LRP5: variants seen among roughly 807,000 people sequenced by gnomAD.
LRP5 encodes low-density lipoprotein receptor-related protein 5.
Under a neutral mutation model 154.1 loss-of-function variants are expected in LRP5, and 62 were observed. That is an observed-to-expected ratio of 0.40 (90% CI 0.33 to 0.50). LRP5 has a LOEUF of 0.50. Among genes scored for constraint, LRP5 ranks in the 20% least tolerant of loss-of-function variants. The pLI, the probability that LRP5 is intolerant of heterozygous loss-of-function variation, is 0.55. For missense variants in LRP5, 1,915 were observed against 2,336.7 expected, an observed-to-expected ratio of 0.82 and a Z score of 3.72; for synonymous variants, 966 against 1,011.5, an observed-to-expected ratio of 0.96 and a Z score of 0.85.
intron 2 of LRP5, among the ~76,000 whole-genome samples, chr11:68,348,612 G>T (rs2098615692): frequency 6.7e-6 from 1 of 148,934 alleles, no homozygotes; most frequent in Non-Finnish European, 1.5e-5. Flanking sequence ...CCGTGGGGGG[G>T]TTGGCTCAGG....
At chr11:68,345,709 G>C (rs1289893974) in intron 1 of LRP5, among the ~76,000 whole-genome samples, 1 of 152,166 alleles carries the variant, frequency 6.6e-6, no homozygotes, top group African/African-American at 2.4e-5. Flanking sequence ...TGGGTCATAT[G>C]GTAATTCTGT....
At chr11:68,441,135 A>G (rs968296510) in intron 21 of LRP5, among the ~76,000 whole-genome samples, 1 of 151,458 alleles carries the variant, frequency 6.6e-6, no homozygotes, top group Non-Finnish European at 1.5e-5. Context: ...CTGGAGTGCA[A>G]TGGTGTCATC....
intron 16 of LRP5, among the ~76,000 whole-genome samples, chr11:68,429,126 G>A (rs1475999577): frequency 6.7e-6 from 1 of 148,888 alleles, no homozygotes; most frequent in African/African-American, 2.5e-5. Context: ...GGTGGTGCAT[G>A]CCTGTAGTCC....
chr11:68,350,056 C>T (rs2098616940), intron 2 of LRP5, among the ~76,000 whole-genome samples: 2 of 152,172 alleles, frequency 1.3e-5, no homozygotes, highest in African/African-American at 2.4e-5. Context: ...GCCTGGACCT[C>T]ACCGGTTGAG....
chr11:68,381,134 C>G (rs1371511943), intron 5 of LRP5, among the ~76,000 whole-genome samples: 1 of 152,216 alleles, frequency 6.6e-6, no homozygotes, highest in African/African-American at 2.4e-5. Flanking sequence ...ATGGCGGCCA[C>G]AAGCCAAGGA....
intron 1 of LRP5, among the ~76,000 whole-genome samples, chr11:68,344,860 T>C (rs1486761387): frequency 8.0e-6 from 1 of 124,370 alleles, no homozygotes; most frequent in African/African-American, 3.2e-5. Context: ...TTTTTTTTTT[T>C]TTTTTTTTTT....
intron 2 of LRP5, among the ~76,000 whole-genome samples, chr11:68,350,643 C>A (rs2098617555): frequency 6.6e-6 from 1 of 152,184 alleles, no homozygotes; most frequent in Non-Finnish European, 1.5e-5. Context: ...CTGGGCCTGC[C>A]CAGGGTAGTG....
intron 16 of LRP5, among the ~76,000 whole-genome samples, chr11:68,428,853 G>A (rs914897291): frequency 2.6e-5 from 3 of 113,510 alleles, no homozygotes; most frequent in African/African-American, 1.1e-4. Context: ...AGCTGAAGCG[G>A]GAGGATCACT....
chr11:68,308,531 G>A (rs1057296266), upstream of LRP5, among the ~76,000 whole-genome samples: 5 of 152,170 alleles, frequency 3.3e-5, no homozygotes, highest in African/African-American at 1.2e-4. Context: ...AACCGTCTGG[G>A]GAAGTGGAAG....
intron 2 of LRP5, among the ~76,000 whole-genome samples, chr11:68,355,652 C>T (rs2098622560): frequency 6.6e-6 from 1 of 152,166 alleles, no homozygotes; most frequent in African/African-American, 2.4e-5. Context: ...CCATCCCAGA[C>T]CTGGTGTCTG....
chr11:68,380,627 G>A (rs2098639772), intron 5 of LRP5, among the ~76,000 whole-genome samples: 1 of 152,226 alleles, frequency 6.6e-6, no homozygotes, highest in Non-Finnish European at 1.5e-5. Context: ...GTTTGCATGA[G>A]GCTTCCTGGA....
At position 68,443,503 on chromosome 11, in the gene LRP5, A is replaced by G. The variant is rs559468251; in HGVS notation, c.4489-2933A>G. The stretch of plus-strand genomic sequence containing the variant: ...AGACTCTGTCTCAAAAAAAAAAAAA[A>G]AAAAGAAAAGAAAAGAAATTATCAA... On this transcript the variant is annotated intron_variant, in intron 21 of 22. Coordinates refer to ENST00000294304, the MANE Select transcript of LRP5 (RefSeq NM_002335.4). 8.3e-3 allele frequency among the ~76,000 whole-genome samples: 1,105 copies of G among 133,126 alleles called. 18 individuals are homozygous for G. Among genetic ancestry groups the G allele is most frequent in the Non-Finnish European group, 0.014 (848 of 61,740 alleles). 87.3% of individuals were successfully genotyped at this position (133,126 alleles called of 152,430 possible).
intron 13 of LRP5, among the ~76,000 whole-genome samples, chr11:68,418,832 C>T (rs190099544): frequency 6.6e-6 from 1 of 152,260 alleles, no homozygotes; most frequent in East Asian, 1.9e-4. Flanking sequence ...GTGACTGTCA[C>T]GTGGAGTCCT....
chr11:68,403,374 G>T (rs1386745652), intron 7 of LRP5, 109 bp from the exon 8 acceptor site: 4 of 899,188 alleles, frequency 4.4e-6, no homozygotes, highest in Non-Finnish European at 5.4e-6. Flanking sequence ...CGGCTCTTGG[G>T]CATTGAACCC....
chr11:68,333,892 C>T (rs767244784), intron 1 of LRP5, among the ~76,000 whole-genome samples: 2 of 152,168 alleles, frequency 1.3e-5, no homozygotes, highest in Admixed American at 6.5e-5. Context: ...GCAGTGCGCT[C>T]TCCTCCCTGT....
intron 3 of LRP5, among the ~76,000 whole-genome samples, chr11:68,358,405 A>G (rs312791): frequency 0.47 from 71,136 of 152,096 alleles, 18,702 homozygotes; most frequent in African/African-American, 0.69. Context: ...GAGCCACCGC[A>G]CCCGGCCCAT....
At chr11:68,369,898 G>A (rs2098633121) in intron 5 of LRP5, among the ~76,000 whole-genome samples, 2 of 152,122 alleles carry the variant, frequency 1.3e-5, no homozygotes, top group South Asian at 4.1e-4. Flanking sequence ...GCCGTGCTGG[G>A]TGCCTGGCAT....
At chr11:68,317,522 G>A (rs1346968014) in intron 1 of LRP5, among the ~76,000 whole-genome samples, 3 of 152,042 alleles carry the variant, frequency 2.0e-5, no homozygotes, top group South Asian at 2.1e-4. Context: ...GGTCCTATCC[G>A]TTCCCTACCT....
At chr11:68,340,929 C>T (rs1162215116) in intron 1 of LRP5, among the ~76,000 whole-genome samples, 1 of 152,052 alleles carries the variant, frequency 6.6e-6, no homozygotes, top group East Asian at 1.9e-4. Flanking sequence ...CACGGTTATG[C>T]TGGGTGTGTG....
Sources: gnomAD v4.1 joint callset for allele counts (sites outside exome capture counted in the v4.1 genomes callset) on GRCh38, gnomAD v4.1.1 for gene constraint, MANE v1.5 for transcripts, NCBI Gene and HGNC (gene_info 2026-07-23, HGNC 2026-07-21) for gene names.